Variants in FN1 observed in about 807,000 individuals in gnomAD.
FN1 encodes fibronectin.
A neutral mutation model predicts 297.3 loss-of-function variants in FN1; 106 were observed. The ratio of observed to expected loss-of-function variants is 0.36; its 90% CI spans 0.30 to 0.42. The LOEUF (loss-of-function observed/expected upper bound fraction) is 0.42. Ranked by LOEUF, FN1 falls within the 10% of genes least tolerant of loss-of-function variation. FN1 has a pLI of 1.00. For synonymous variants in FN1, 1,149 were observed against 1,152.6 expected (o/e 1.00, Z 0.06); for missense variants, 2,690 against 3,124.9 (o/e 0.86, Z 3.32).
rs551917383 is a variant in FN1 at position 215,409,546 on chromosome 2, C to T, written c.2299+17G>A. 15 of 1,611,448 alleles carry T rather than the reference C, an allele frequency of 9.3e-6. No homozygotes were observed. The highest frequency in any genetic ancestry group is 6.7e-5 in the African/African-American group (5 of 74,944). On this transcript the variant is annotated intron_variant, in intron 15 of 45. Coordinates refer to ENST00000354785, the MANE Select transcript of FN1 (RefSeq NM_212482.4). ...GCAGCTGCCCTGAACCTGTCTTGAGCGACATATTGAGCTTACCCAGGTACT... is the reference window on the plus strand; with the variant it reads ...GCAGCTGCCCTGAACCTGTCTTGAGTGACATATTGAGCTTACCCAGGTACT...
chr2:215,390,484 T>C (rs2059590813), intron 26 of FN1, among the ~76,000 whole-genome samples: 1 of 152,110 alleles, frequency 6.6e-6, no homozygotes, highest in Non-Finnish European at 1.5e-5. Flanking sequence ...ACTGCACTGG[T>C]TTGCTTCATC....
chr2:215,373,509 C>T (rs1298408550), intron 38 of FN1, 98 bp from the exon 39 acceptor site: 1 of 947,178 alleles, frequency 1.1e-6, no homozygotes, highest in Non-Finnish European at 1.7e-6. Context: ...CAGGCACTTC[C>T]TCTCCAGCTG....
chr2:215,430,884 A>C (rs1450503470), intron 4 of FN1, 32 bp from the exon 5 acceptor site: 2 of 1,612,544 alleles, frequency 1.2e-6, no homozygotes, highest in African/African-American at 2.7e-5. Context: ...AAACAGGAAA[A>C]AAAGGTTATT....
In FN1 at chr2:215,391,765, G is replaced by A; in HGVS notation, c.4119C>T (p.Thr1373=). 6.2e-7 allele frequency: 1 copy of A among 1,614,174 alleles called. No individual in the cohort carries two copies. Residue 1373 remains threonine, a synonymous_variant, in exon 26 of 46, where the codon ACC becomes ACT. Coordinates refer to ENST00000354785, the MANE Select transcript of FN1 (RefSeq NM_212482.4). ...GGGGTGGAGCCCAGGTGACACGCAT[G>A]GTGTCTGGACCAATGTTGGTGAATC... ...DLRFTNIGPD[T]MRVTWAPPPS...
chr2:215,361,499 G>T lies in FN1; in HGVS notation c.*56C>A. On this transcript the variant is annotated 3_prime_UTR_variant, in exon 46 of 46. Coordinates refer to ENST00000354785, the MANE Select transcript of FN1 (RefSeq NM_212482.4). ...AGCTGGGTCTGCTAACATCACTCCA[G>T]TTTAGATGGATCTTGGCAGAGAGAC... The T allele has an allele frequency of 7.9e-7, 1 of 1,267,588 alleles. No homozygotes were observed. The highest frequency in any genetic ancestry group is 1.2e-6 in the Non-Finnish European group (1 of 863,222). The allele number at this position is 1,267,588 out of a possible 1,614,324, so 78.5% of individuals were successfully genotyped here.
At chr2:215,391,971 C>G (rs2059759436) in intron 25 of FN1, 157 bp from the exon 26 acceptor site, 2 of 690,950 alleles carry the variant, frequency 2.9e-6, no homozygotes, top group South Asian at 3.5e-5. Flanking sequence ...TTATAGTGTA[C>G]TACTGTTAAA....
chr2:215,401,243 A>G (rs371646570), intron 20 of FN1, among the ~76,000 whole-genome samples: 13,934 of 64,604 alleles, frequency 0.22, 1,890 homozygotes, highest in Non-Finnish European at 0.28. Context: ...AGAAAGAAAG[A>G]AAGAAAGGAA....
Position 215,435,902 on chromosome 2 carries a change from C to G in FN1, c.-100G>C. ...GGGAAAAATCCCTTCTAATGCCTCC[C>G]GGGGGTTGTCGCCTCCAAGAAGGTG... On this transcript the variant is annotated 5_prime_UTR_variant, in exon 1 of 46. Transcript: ENST00000354785. The G allele has an allele frequency of 4.3e-6, 6 of 1,390,754 alleles. No homozygotes were observed. The highest frequency in any genetic ancestry group is 1.9e-6 in the Non-Finnish European group (2 of 1,064,944). 86.2% of individuals were successfully genotyped at this position (1,390,754 alleles called of 1,614,324 possible).
At chr2:215,381,210 G>A in intron 32 of FN1, 130 bp from the exon 33 acceptor site, 1 of 872,284 alleles carries the variant, frequency 1.1e-6, no homozygotes, top group Admixed American at 1.9e-5. Context: ...CTATCAAAAG[G>A]AAAAATCACT....
chr2:215,423,572 G>A, intron 8 of FN1, 46 bp from the exon 9 acceptor site: 1 of 1,566,092 alleles, frequency 6.4e-7, no homozygotes, highest in Non-Finnish European at 8.8e-7. Flanking sequence ...TTACCGCTGA[G>A]CTTTCCAATG....
At position 215,364,988 on chromosome 2, in the gene FN1, G is replaced by C; in HGVS notation, c.7145-3C>G. 2 of 1,549,534 alleles carry C rather than the reference G, an allele frequency of 1.3e-6. No individual in the cohort carries two copies. The highest frequency in any genetic ancestry group is 1.8e-6 in the Non-Finnish European group (2 of 1,138,168). On this transcript the variant is annotated splice_region_variant and splice_polypyrimidine_tract_variant and intron_variant, in intron 43 of 45. Transcript: ENST00000354785. The stretch of plus-strand genomic sequence containing the variant: ...ATCATCATAACACGTTGCCTCATCT[G>C]CATATAGACACAAGACAGATGCACG...
At chr2:215,365,060 A>G (rs2054259732) in intron 43 of FN1, 75 bp from the exon 44 acceptor site, 4 of 932,690 alleles carry the variant, frequency 4.3e-6, no homozygotes, top group South Asian at 1.4e-5. Flanking sequence ...GGTGGGTTCT[A>G]TTTCTGTCCT....
rs2061880591 is a variant in FN1 at position 215,407,163 on chromosome 2, C to T, written c.2677G>A (p.Val893Ile). 1 of 1,614,026 alleles carries T rather than the reference C, an allele frequency of 6.2e-7. No homozygotes were observed. The highest frequency in any genetic ancestry group is 8.5e-7 in the Non-Finnish European group (1 of 1,180,012). The change falls in exon 18 of 46, where the codon GTC becomes ATC. Residue 893 changes from valine to isoleucine, a missense_variant. Val to Ile is a conservative substitution (Grantham distance 29). Coordinates refer to ENST00000354785, the MANE Select transcript of FN1 (RefSeq NM_212482.4). ...GTGCCAGTGGTTTCTTGTTGAATGA[C>T]AACAGGTGTACTTTCTTGATTTTCT... ...VEENQESTPV[V>I]IQQETTGTPR...
In FN1 at chr2:215,394,733, A is replaced by G. The variant is rs2060100754; in HGVS notation, c.3605-14T>C. On this transcript the variant is annotated splice_polypyrimidine_tract_variant and intron_variant, in intron 23 of 45. Coordinates refer to ENST00000354785, the MANE Select transcript of FN1 (RefSeq NM_212482.4). The stretch of plus-strand genomic sequence containing the variant: ...AACCAGTAATGTCTGGAGAAAAAAG[A>G]AAAGGGAAGTTATTGCACAGAGGAT... 6.2e-7 allele frequency: 1 copy of G among 1,603,758 alleles called. No individual in the cohort carries two copies. Among genetic ancestry groups the G allele is most frequent in the East Asian group, 2.2e-5 (1 of 44,852 alleles).
Position 215,393,014 on chromosome 2 carries a change from T to C in FN1, c.3986A>G (p.Glu1329Gly). Residue 1329 changes from glutamate (E) to glycine (G), a missense_variant, in exon 25 of 46, where the codon GAG becomes GGG. Coordinates refer to ENST00000354785, the MANE Select transcript of FN1 (RefSeq NM_212482.4). ...GCTGATATCATAGTCAATGCCCGGCTCCAGCCCTGTGACTGTGTAGTATCC... is the reference window on the plus strand; with the variant it reads ...GCTGATATCATAGTCAATGCCCGGCCCCAGCCCTGTGACTGTGTAGTATCC... ...SVGYYTVTGL[E>G]PGIDYDISVI... 2 of 1,613,960 alleles carry C rather than the reference T, an allele frequency of 1.2e-6. No individual in the cohort carries two copies. The highest frequency in any genetic ancestry group is 8.5e-7 in the Non-Finnish European group (1 of 1,180,004).
In FN1 at chr2:215,382,216, T is replaced by G. The variant is rs1351116391; in HGVS notation, c.5160A>C (p.Val1720=). The change falls in exon 32 of 46, where the codon GTA becomes GTC. Residue 1720 remains valine (V), a synonymous_variant. Coordinates refer to ENST00000354785, the MANE Select transcript of FN1 (RefSeq NM_212482.4). ...AACCAAGCAGTGGTTACGTACTGGT[T>G]ACTGCAGTCTGAACCAGAGGCTGAC... is the stretch of plus-strand genomic sequence containing the variant. ...GESQPLVQTA[V]TNIDRPKGLA... 2 of 1,607,238 alleles carry G rather than the reference T, an allele frequency of 1.2e-6. No individual in the cohort carries two copies. Among genetic ancestry groups the G allele is most frequent in the South Asian group, 1.1e-5 (1 of 90,938 alleles).
chr2:215,420,861 A>T lies in FN1; in HGVS notation c.1547-60T>A. 1.0e-5 allele frequency: 16 copies of T among 1,533,008 alleles called. No individual in the cohort carries two copies. The South Asian group carries it at 1.8e-4, about 17-fold the overall frequency. The allele number at this position is 1,533,008 out of a possible 1,614,324, so 95.0% of individuals were successfully genotyped here. A position where few individuals can be genotyped will look rare whatever the true frequency, so the allele number is the denominator to read the frequency against. Reference sequence around the variant, plus strand: ...TTTAAAGTTCCATTGATGAAAGAAAAAAGGTATGCTTCTCAAAGCATACAA... The same window carrying T: ...TTTAAAGTTCCATTGATGAAAGAAATAAGGTATGCTTCTCAAAGCATACAA... On this transcript the variant is annotated intron_variant, in intron 10 of 45. Coordinates refer to ENST00000354785, the MANE Select transcript of FN1 (RefSeq NM_212482.4).
At chr2:215,391,902 A>C (rs1188153016) in intron 25 of FN1, 88 bp from the exon 26 acceptor site, 3 of 1,066,850 alleles carry the variant, frequency 2.8e-6, no homozygotes, top group Non-Finnish European at 4.3e-6. Context: ...TCAATATTTC[A>C]TGCATAAAGG....
intron 4 of FN1, 147 bp from the exon 5 acceptor site, chr2:215,430,999 C>A (rs1375525167): frequency 2.5e-6 from 2 of 789,206 alleles, no homozygotes; most frequent in African/African-American, 1.7e-5. Flanking sequence ...ACACACCCAG[C>A]ATCTAAGCAC....
Sources: gnomAD v4.1 joint callset for allele counts (sites outside exome capture counted in the v4.1 genomes callset) on GRCh38, gnomAD v4.1.1 for gene constraint, MANE v1.5 for transcripts, NCBI Gene and HGNC (gene_info 2026-07-23, HGNC 2026-07-21) for gene names.